CLEC16A: variants seen among roughly 807,000 people sequenced by gnomAD.
CLEC16A encodes the protein protein CLEC16A.
A neutral mutation model predicts 109.5 loss-of-function variants in CLEC16A; 51 were observed. That is an observed-to-expected ratio of 0.47 (90% CI 0.37 to 0.59). The LOEUF is 0.59. Among genes scored for constraint, CLEC16A ranks in the 20% least tolerant of loss-of-function variants. CLEC16A has a pLI of 0.00. For missense variants in CLEC16A, 1,339 were observed against 1,394.0 expected, an observed-to-expected ratio of 0.96 and a Z score of 0.63; for synonymous variants, 673 against 564.2, an observed-to-expected ratio of 1.19 and a Z score of -2.73.
chr16:11,181,258 A>G lies in CLEC16A; in HGVS notation c.*2568A>G, dbSNP rs1288540975. 6.6e-6 allele frequency: 1 copy of G among 152,154 alleles called. No individual in the cohort carries two copies. Among genetic ancestry groups the G allele is most frequent in the Non-Finnish European group, 1.5e-5 (1 of 68,116 alleles). The allele number at this position is 152,154 out of a possible 1,614,324, so 9.4% of individuals were successfully genotyped here. A position where few individuals can be genotyped will look rare whatever the true frequency, so the allele number is the denominator to read the frequency against. On this transcript the variant is annotated 3_prime_UTR_variant, in exon 24 of 24. Coordinates refer to ENST00000409790, the MANE Select transcript of CLEC16A (RefSeq NM_015226.3). ...CCTCATAGCTGGGGCGCTCCCAGAC[A>G]GGCCAGTCCAGACAGGACACGCTGG...
Position 10,982,872 on chromosome 16 carries a change from C to T in CLEC16A, c.958-6C>T, listed in dbSNP as rs199604152. 68 of 1,533,462 alleles carry T rather than the reference C, an allele frequency of 4.4e-5. No individual in the cohort carries two copies. The highest frequency in any genetic ancestry group is 9.0e-5 in the East Asian group (4 of 44,484). 95.0% of individuals were successfully genotyped at this position (1,533,462 alleles called of 1,614,324 possible). On this transcript the variant is annotated splice_polypyrimidine_tract_variant and splice_region_variant and intron_variant, in intron 9 of 23. Transcript: ENST00000409790. ...ATGCAAATCCCGTTTCTTTTTTTTC[C>T]GCCAGGTCTTCTTAATTATACATCA...
chr16:10,960,012 G>C (rs575398942), intron 2 of CLEC16A, among the ~76,000 whole-genome samples: 2 of 152,208 alleles, frequency 1.3e-5, no homozygotes, highest in African/African-American at 4.8e-5. Flanking sequence ...TTCTTAAACA[G>C]TTATCCAACA....
intron 11 of CLEC16A, among the ~76,000 whole-genome samples, chr16:11,006,086 G>A (rs1259960611): frequency 6.6e-6 from 1 of 152,094 alleles, no homozygotes; most frequent in Admixed American, 6.5e-5. Context: ...GCTTGGACAG[G>A]GCTGGGCCCA....
chr16:11,152,090 C>G (rs898822187), intron 22 of CLEC16A, among the ~76,000 whole-genome samples: 5 of 152,166 alleles, frequency 3.3e-5, no homozygotes, highest in African/African-American at 2.4e-5. Flanking sequence ...CCTAACTCAG[C>G]ACAGCAAGGG....
chr16:11,103,210 C>T (rs2051023931), intron 19 of CLEC16A, among the ~76,000 whole-genome samples: 1 of 152,198 alleles, frequency 6.6e-6, no homozygotes, highest in Admixed American at 6.5e-5. Context: ...GCCAGCAGTC[C>T]CCCCAGAGAG....
intron 19 of CLEC16A, among the ~76,000 whole-genome samples, chr16:11,119,712 A>G (rs1299078794): frequency 1.3e-5 from 2 of 152,118 alleles, no homozygotes; most frequent in African/African-American, 4.8e-5. Flanking sequence ...CTTTTTGCTC[A>G]GGTGTGCTCT....
At chr16:11,108,807 A>G (rs1008609900) in intron 19 of CLEC16A, among the ~76,000 whole-genome samples, 7 of 152,102 alleles carry the variant, frequency 4.6e-5, no homozygotes, top group Admixed American at 1.3e-4. Flanking sequence ...GCCAGCAGCC[A>G]TTGTCATTGA....
At chr16:11,104,963 G>A (rs374667955) in intron 19 of CLEC16A, among the ~76,000 whole-genome samples, 8 of 152,198 alleles carry the variant, frequency 5.3e-5, no homozygotes, top group East Asian at 3.8e-4. Flanking sequence ...GCTGAACAGC[G>A]GGGAAGAGGA....
chr16:11,058,165 C>T (rs1043471314), intron 18 of CLEC16A, among the ~76,000 whole-genome samples: 1 of 152,244 alleles, frequency 6.6e-6, no homozygotes, highest in Non-Finnish European at 1.5e-5. Flanking sequence ...CTGTGGGAAT[C>T]GGCCCGCCTC....
At chr16:11,058,521 A>AC (rs1315641506) in intron 18 of CLEC16A, among the ~76,000 whole-genome samples, 1 of 141,530 alleles carries the variant, frequency 7.1e-6, no homozygotes, top group East Asian at 2.0e-4. Flanking sequence ...TACAGATGCA[A>AC]CCCTTTTTTT....
intron 10 of CLEC16A, among the ~76,000 whole-genome samples, chr16:10,995,091 G>A (rs2044250496): frequency 6.6e-6 from 1 of 152,234 alleles, no homozygotes; most frequent in Non-Finnish European, 1.5e-5. Context: ...GCAAGACAAT[G>A]TATATAAAGT....
rs1384304690 is a variant in CLEC16A, at chr16:11,178,048, T to G, written c.2807-287T>G. ...GGGTCTCTGCACCCAGGAACTGTGCTTTCATAAGCCACATGCTGATTTTGC... is the reference window on the plus strand; with the variant it reads ...GGGTCTCTGCACCCAGGAACTGTGCGTTCATAAGCCACATGCTGATTTTGC... On this transcript the variant is annotated intron_variant, in intron 23 of 23. Coordinates refer to ENST00000409790, the MANE Select transcript of CLEC16A (RefSeq NM_015226.3). The surrounding 1 kb of genome is among the most constrained non-coding windows in gnomAD (Gnocchi z 6.5). Among the ~76,000 whole-genome samples the G allele has an allele frequency of 1.3e-5, 2 of 152,230 alleles. No individual in the cohort carries two copies. Among genetic ancestry groups the G allele is most frequent in the African/African-American group, 4.8e-5 (2 of 41,452 alleles).
Position 11,181,097 on chromosome 16 carries a change from A to G in CLEC16A, c.*2407A>G, listed in dbSNP as rs1244635483. The G allele has an allele frequency of 1.3e-5, 2 of 152,228 alleles. No homozygotes were observed. The highest frequency in any genetic ancestry group is 4.8e-5 in the African/African-American group (2 of 41,448). 9.4% of individuals were successfully genotyped at this position (152,228 alleles called of 1,614,324 possible). On this transcript the variant is annotated 3_prime_UTR_variant, in exon 24 of 24. Transcript: ENST00000409790. Reference sequence around the variant, plus strand: ...AGGATTTCCTATAACCAGGGCTCCCAGAAGCTTTGCTTATGTAAGGAGGTC... The same window carrying G: ...AGGATTTCCTATAACCAGGGCTCCCGGAAGCTTTGCTTATGTAAGGAGGTC...
intron 17 of CLEC16A, chr16:11,047,976 C>G (rs2047721603): frequency 6.6e-6 from 1 of 152,210 alleles, no homozygotes; most frequent in African/African-American, 2.4e-5. Context: ...GGAAACTGCT[C>G]CCATGATTCA....
At chr16:11,169,841 T>G (rs2068430353) in intron 23 of CLEC16A, among the ~76,000 whole-genome samples, 1 of 152,220 alleles carries the variant, frequency 6.6e-6, no homozygotes, top group African/African-American at 2.4e-5. Context: ...GTGCACCTGC[T>G]GTGTGGCGTC....
intron 22 of CLEC16A, among the ~76,000 whole-genome samples, chr16:11,133,448 G>A (rs75810024): frequency 0.083 from 12,575 of 152,014 alleles, 560 homozygotes; most frequent in East Asian, 0.12. Context: ...GGTCAGTCAC[G>A]TGACCCAGAG....
intron 5 of CLEC16A, among the ~76,000 whole-genome samples, chr16:10,971,807 C>G (rs987668719): frequency 5.3e-5 from 8 of 152,338 alleles, no homozygotes; most frequent in African/African-American, 4.8e-5. Context: ...CCACAAGTTT[C>G]CTGAACTGGA....
chr16:11,011,615 G>A (rs2045418562), intron 11 of CLEC16A, among the ~76,000 whole-genome samples: 1 of 152,120 alleles, frequency 6.6e-6, no homozygotes, highest in Non-Finnish European at 1.5e-5. Context: ...GGGTATTAGA[G>A]GCCAAGATTT....
intron 22 of CLEC16A, among the ~76,000 whole-genome samples, chr16:11,133,433 G>A (rs190223094): frequency 4.6e-5 from 7 of 151,882 alleles, no homozygotes; most frequent in Admixed American, 2.0e-4. Flanking sequence ...CACCTAAACC[G>A]GCAGGGTCAG....
Sources: allele counts gnomAD v4.1 joint callset (sites outside exome capture counted in the v4.1 genomes callset), GRCh38; gene constraint gnomAD v4.1.1; non-coding constraint Gnocchi (gnomAD v3.1); transcripts MANE v1.5; gene names NCBI Gene and HGNC (gene_info 2026-07-23, HGNC 2026-07-21).